The following B3GNT3 variants were observed in gnomAD, a reference collection of about 807,000 sequenced individuals.
The protein encoded by B3GNT3 is UDP-GlcNAc:betaGal beta-1,3-N-acetylglucosaminyltransferase 3, also known as N-acetyllactosaminide beta-1,3-N-acetylglucosaminyltransferase 3.
A neutral mutation model predicts 11.6 loss-of-function variants in B3GNT3; 7 were observed. The ratio of observed to expected loss-of-function variants is 0.60; its 90% CI spans 0.34 to 1.13. The LOEUF (loss-of-function observed/expected upper bound fraction) is 1.13, where lower values mean the gene tolerates loss of function less well. Among genes scored for constraint, B3GNT3 ranks in the 50% most tolerant of loss-of-function variants. B3GNT3 has a pLI of 0.03. For missense variants in B3GNT3, 400 were observed against 507.4 expected (o/e 0.79, Z 2.03); for synonymous variants, 201 against 222.1 (o/e 0.90, Z 0.85).
intron 2 of B3GNT3, among the ~76,000 whole-genome samples, chr19:17,809,861 A>C (rs2094178347): frequency 6.6e-6 from 1 of 152,140 alleles, no homozygotes; most frequent in Admixed American, 6.6e-5. Flanking sequence ...CGAGTAGAGC[A>C]AGACAAGTAG....
chr19:17,808,168 G>C lies in B3GNT3; in HGVS notation c.361G>C (p.Val121Leu), dbSNP rs776080640. ...LVIKSSPSNY[V>L]RRELLRRTWG... is the part of the protein sequence containing the mutation. ...GATCAAGTCCTCCCCTAGCAACTAT[G>C]TGCGCCGCGAGCTGCTGCGGCGCAC... The change falls in exon 2 of 3, where the codon GTG becomes CTG. Residue 121 changes from valine (V) to leucine (L), a missense_variant. Coordinates refer to ENST00000318683, the MANE Select transcript of B3GNT3 (RefSeq NM_014256.4). 1 of 1,611,478 alleles carries C rather than the reference G, an allele frequency of 6.2e-7. No homozygotes were observed. The highest frequency in any genetic ancestry group is 8.5e-7 in the Non-Finnish European group (1 of 1,178,590).
chr19:17,798,786 G>A (rs10408839), intron 1 of B3GNT3, among the ~76,000 whole-genome samples: 8,584 of 152,124 alleles, frequency 0.056, 805 homozygotes, highest in African/African-American at 0.2. Context: ...ACCAGCCTGG[G>A]CAACATAGCG....
intron 1 of B3GNT3, among the ~76,000 whole-genome samples, chr19:17,805,569 C>T (rs557429317): frequency 7.2e-5 from 11 of 152,278 alleles, no homozygotes; most frequent in African/African-American, 2.2e-4. Context: ...TCCTTTCTCT[C>T]GCCCTGTCCC....
chr19:17,809,910 T>C (rs1251737521), intron 2 of B3GNT3, among the ~76,000 whole-genome samples: 2 of 152,090 alleles, frequency 1.3e-5, no homozygotes, highest in African/African-American at 4.8e-5. Flanking sequence ...ACTCTGCAGG[T>C]TCCTGCTCAT....
chr19:17,803,482 G>A (rs2094168885), intron 1 of B3GNT3, among the ~76,000 whole-genome samples: 2 of 152,150 alleles, frequency 1.3e-5, no homozygotes, highest in Admixed American at 1.3e-4. Context: ...TCTGGAGGAT[G>A]GCAAAATCGC....
At chr19:17,798,744 G>A (rs2094162358) in intron 1 of B3GNT3, among the ~76,000 whole-genome samples, 1 of 152,078 alleles carries the variant, frequency 6.6e-6, no homozygotes, top group African/African-American at 2.4e-5. Flanking sequence ...GGAGGCTGAG[G>A]TGGGAGGATC....
At chr19:17,806,981 C>A (rs1042674537) in intron 1 of B3GNT3, among the ~76,000 whole-genome samples, 6 of 147,732 alleles carry the variant, frequency 4.1e-5, no homozygotes, top group African/African-American at 1.5e-4. Flanking sequence ...GGTTCTGATA[C>A]TGCTCCATGC....
chr19:17,798,132 C>T (rs530412051), intron 1 of B3GNT3, among the ~76,000 whole-genome samples: 1 of 152,330 alleles, frequency 6.6e-6, no homozygotes, highest in African/African-American at 2.4e-5. Flanking sequence ...CTGCAAGCGT[C>T]CCCAACTTCC....
intron 1 of B3GNT3, among the ~76,000 whole-genome samples, chr19:17,797,837 C>T (rs1368713028): frequency 6.6e-6 from 1 of 152,156 alleles, no homozygotes; most frequent in African/African-American, 2.4e-5. Flanking sequence ...TTCTTCTTTT[C>T]TTCCCCTTCT....
At chr19:17,808,427 T>C in intron 2 of B3GNT3, 53 bp downstream of exon 2, 10 of 1,529,000 alleles carry the variant, frequency 6.5e-6, no homozygotes, top group Non-Finnish European at 8.8e-6. Flanking sequence ...CTTGTCCAAA[T>C]TACCACCCAC....
At chr19:17,801,291 C>T (rs1173843825) in intron 1 of B3GNT3, among the ~76,000 whole-genome samples, 2 of 151,720 alleles carry the variant, frequency 1.3e-5, no homozygotes, top group African/African-American at 4.8e-5. Flanking sequence ...CTCCTGGGCT[C>T]AAGCGATCCT....
At chr19:17,795,629 C>T (rs1473372311) in intron 1 of B3GNT3, among the ~76,000 whole-genome samples, 5 of 152,154 alleles carry the variant, frequency 3.3e-5, no homozygotes, top group African/African-American at 1.2e-4. Flanking sequence ...GCAGGTGACC[C>T]CCAGTCTCTC....
chr19:17,803,589 G>C lies in B3GNT3; in HGVS notation c.-50-4169G>C, dbSNP rs141753534. ...CCCAAGAGTCAGCCTGGATGTCACT[G>C]CTGGACACTGGTGGCACCGTGTCTG... On this transcript the variant is annotated intron_variant, in intron 1 of 2. Transcript: ENST00000318683. 2.8e-3 allele frequency among the ~76,000 whole-genome samples: 421 copies of C among 152,310 alleles called. 2 individuals are homozygous for C. The highest frequency in any genetic ancestry group is 5.6e-3 in the Admixed American group (86 of 15,296).
chr19:17,799,816 A>G (rs1270889843), intron 1 of B3GNT3, among the ~76,000 whole-genome samples: 4 of 151,992 alleles, frequency 2.6e-5, no homozygotes, highest in African/African-American at 9.7e-5. Flanking sequence ...CAGGCCTGGG[A>G]GTCCCTGAAG....
chr19:17,807,479 A>AGAGAG (rs57302500), intron 1 of B3GNT3, among the ~76,000 whole-genome samples: 9 of 146,656 alleles, frequency 6.1e-5, no homozygotes, highest in Non-Finnish European at 1.0e-4. Context: ...GCAACAGAAC[A>AGAGAG]AGAGAGAGAG....
chr19:17,802,608 G>A (rs991590851), intron 1 of B3GNT3, among the ~76,000 whole-genome samples: 7 of 152,108 alleles, frequency 4.6e-5, no homozygotes, highest in South Asian at 2.1e-4. Context: ...TGAAGACTAC[G>A]GAAAGAGCTG....
intron 2 of B3GNT3, among the ~76,000 whole-genome samples, chr19:17,809,520 C>T (rs1308597811): frequency 6.6e-6 from 1 of 151,222 alleles, no homozygotes; most frequent in Non-Finnish European, 1.5e-5. Flanking sequence ...AATCTCGGCT[C>T]ACTGCAACCT....
At chr19:17,797,401 A>G (rs1339487484) in intron 1 of B3GNT3, among the ~76,000 whole-genome samples, 1 of 151,810 alleles carries the variant, frequency 6.6e-6, no homozygotes, top group African/African-American at 2.4e-5. Flanking sequence ...TTCCCCCATC[A>G]CTCCTGGATT....
chr19:17,801,998 T>G (rs2094166852), intron 1 of B3GNT3, among the ~76,000 whole-genome samples: 1 of 151,560 alleles, frequency 6.6e-6, no homozygotes, highest in South Asian at 2.1e-4. Context: ...TGAGGCAGGA[T>G]AATCGCTTGA....
Sources: gnomAD v4.1 joint callset for allele counts (sites outside exome capture counted in the v4.1 genomes callset) on GRCh38, gnomAD v4.1.1 for gene constraint, MANE v1.5 for transcripts, NCBI Gene and HGNC (gene_info 2026-07-23, HGNC 2026-07-21) for gene names.